Variants in SAMMSON observed in about 807,000 individuals in gnomAD.
SAMMSON encodes long intergenic non-protein coding RNA 1212.
chr3:70,152,382 C>G (rs1576136701), intron 4 of SAMMSON, among the ~76,000 whole-genome samples: 1 of 152,006 alleles, frequency 6.6e-6, no homozygotes, highest in East Asian at 1.9e-4. Context: ...AACCAATGTA[C>G]AAGTTGAGTG....
intron 4 of SAMMSON, among the ~76,000 whole-genome samples, chr3:70,171,929 T>C (rs1700960665): frequency 6.6e-6 from 1 of 151,832 alleles, no homozygotes. Flanking sequence ...TTCTATATTT[T>C]AAGGCTATAG....
chr3:70,165,017 A>G (rs1375849841), intron 4 of SAMMSON, among the ~76,000 whole-genome samples: 2 of 152,070 alleles, frequency 1.3e-5, no homozygotes, highest in East Asian at 3.9e-4. Context: ...ATAGATTTTT[A>G]AGACATATAT....
intron 4 of SAMMSON, among the ~76,000 whole-genome samples, chr3:70,180,098 A>G (rs1255761234): frequency 6.6e-6 from 1 of 152,066 alleles, no homozygotes; most frequent in Non-Finnish European, 1.5e-5. Context: ...GAGTGATGGC[A>G]TAATAAACTG....
At chr3:70,078,129 G>A (rs143579089) in intron 4 of SAMMSON, among the ~76,000 whole-genome samples, 1 of 152,104 alleles carries the variant, frequency 6.6e-6, no homozygotes, top group Non-Finnish European at 1.5e-5. Flanking sequence ...GGGAGGAGTG[G>A]TGTTCCCTTT....
At chr3:70,361,315 A>G (rs1021862745) in intron 9 of SAMMSON, among the ~76,000 whole-genome samples, 2 of 152,216 alleles carry the variant, frequency 1.3e-5, no homozygotes, top group African/African-American at 2.4e-5. Flanking sequence ...AACTGAATGC[A>G]GTCACATCCG....
At chr3:70,331,541 A>C (rs1702621485) in intron 7 of SAMMSON, among the ~76,000 whole-genome samples, 1 of 152,248 alleles carries the variant, frequency 6.6e-6, no homozygotes. Context: ...ATGATAGATA[A>C]GGAAGAAAAT....
intron 2 of SAMMSON, among the ~76,000 whole-genome samples, chr3:70,404,539 T>C (rs962064380): frequency 6.6e-6 from 1 of 152,164 alleles, no homozygotes; most frequent in Non-Finnish European, 1.5e-5. Context: ...AAGGATTATA[T>C]ATAATGTGAA....
At chr3:70,220,304 GC>G (rs1409338430) in intron 4 of SAMMSON, among the ~76,000 whole-genome samples, 7 of 152,062 alleles carry the variant, frequency 4.6e-5, no homozygotes, top group African/African-American at 1.7e-4. Flanking sequence ...AGTGTCTCAT[GC>G]CTGTAATCCC....
At chr3:70,146,988 A>G (rs2067551655) in intron 4 of SAMMSON, among the ~76,000 whole-genome samples, 1 of 152,068 alleles carries the variant, frequency 6.6e-6, no homozygotes, top group Admixed American at 6.6e-5. Flanking sequence ...AGGATCCATA[A>G]TCAACACAAA....
intron 1 of SAMMSON, among the ~76,000 whole-genome samples, chr3:70,010,497 C>T (rs929765243): frequency 2.0e-5 from 3 of 151,980 alleles, no homozygotes; most frequent in African/African-American, 7.3e-5. Context: ...TATTGCCAAA[C>T]CTTCGCCATA....
At position 70,090,794 on chromosome 3, in the gene SAMMSON, C is replaced by A. The variant is rs1191287812; in HGVS notation, n.507+19229C>A. On this transcript the variant is annotated intron_variant and non_coding_transcript_variant, in intron 4 of 9. Transcript: ENST00000642114. Reference sequence around the variant, plus strand: ...AAATTAAACTTAAAAAAAAAAAAAACCATTGGCTGATACCCACACTTAGTA... The same window carrying A: ...AAATTAAACTTAAAAAAAAAAAAAAACATTGGCTGATACCCACACTTAGTA... Among the ~76,000 whole-genome samples the A allele has an allele frequency of 5.4e-5, 8 of 147,918 alleles. No homozygotes were observed. The East Asian group carries it at 5.9e-4, about 11-fold the overall frequency.
At chr3:70,422,685 A>G (rs1290523224) in intron 2 of SAMMSON, among the ~76,000 whole-genome samples, 1 of 152,056 alleles carries the variant, frequency 6.6e-6, no homozygotes, top group Non-Finnish European at 1.5e-5. Context: ...AAGAAAGTTT[A>G]AAACTGAAAC....
intron 4 of SAMMSON, among the ~76,000 whole-genome samples, chr3:70,199,811 C>A (rs1701220349): frequency 6.6e-6 from 1 of 152,106 alleles, no homozygotes; most frequent in African/African-American, 2.4e-5. Context: ...AAGTCCTATC[C>A]CAGGATTCGC....
intron 4 of SAMMSON, among the ~76,000 whole-genome samples, chr3:70,118,338 G>C (rs868632415): frequency 6.6e-6 from 1 of 152,172 alleles, no homozygotes; most frequent in Non-Finnish European, 1.5e-5. Flanking sequence ...TTTCTCCATT[G>C]TTGTTACATT....
chr3:70,198,080 A>G (rs1176494871), intron 4 of SAMMSON, among the ~76,000 whole-genome samples: 1 of 152,172 alleles, frequency 6.6e-6, no homozygotes, highest in African/African-American at 2.4e-5. Context: ...TTAAGTTAAA[A>G]AAGTCTAAAA....
intron 7 of SAMMSON, among the ~76,000 whole-genome samples, chr3:70,351,742 C>A (rs1485025411): frequency 6.6e-6 from 1 of 151,984 alleles, no homozygotes; most frequent in Non-Finnish European, 1.5e-5. Context: ...TCTCTCTAAC[C>A]AAATAACCAA....
chr3:70,290,649 C>G (rs532376003), intron 6 of SAMMSON, among the ~76,000 whole-genome samples: 96 of 152,316 alleles, frequency 6.3e-4, no homozygotes, highest in African/African-American at 2.2e-3. Flanking sequence ...GCGGGCGCCC[C>G]TCCCCTAGCC....
At chr3:70,126,365 T>G in intron 4 of SAMMSON, 1 of 1,046,020 alleles carries the variant, frequency 9.6e-7, no homozygotes, top group Middle Eastern at 2.7e-4. Context: ...GCTGATGGAG[T>G]CTTGTCAATG....
chr3:70,225,054 C>G (rs1701490786), intron 4 of SAMMSON, among the ~76,000 whole-genome samples: 1 of 152,084 alleles, frequency 6.6e-6, no homozygotes, highest in African/African-American at 2.4e-5. Flanking sequence ...ATATATTTCT[C>G]TAATATATCT....
Sources: gnomAD v4.1 joint callset for allele counts (sites outside exome capture counted in the v4.1 genomes callset) on GRCh38, gnomAD v4.1.1 for gene constraint, MANE v1.5 for transcripts, NCBI Gene and HGNC (gene_info 2026-07-23, HGNC 2026-07-21) for gene names.